The following PABPC4L variants were observed in gnomAD, a reference collection of about 807,000 sequenced individuals.
The protein encoded by PABPC4L is polyadenylate-binding protein 4-like.
For synonymous variants in PABPC4L, 169 were observed against 164.1 expected, an observed-to-expected ratio of 1.03 and a Z score of -0.23; for missense variants, 452 against 451.4, an observed-to-expected ratio of 1.00 and a Z score of -0.01.
the PABPC4L span, among the ~76,000 whole-genome samples, chr4:134,189,567 A>ATGTG: frequency 6.6e-6 from 1 of 151,402 alleles, no homozygotes; most frequent in Non-Finnish European, 1.5e-5. Context: ...CACATATATA[A>ATGTG]TGTGTGTGTG....
the PABPC4L span, among the ~76,000 whole-genome samples, chr4:133,982,498 G>A: frequency 1.3e-5 from 2 of 152,080 alleles, no homozygotes; most frequent in Middle Eastern, 3.4e-3. Context: ...CATTTATGGT[G>A]AATTCTTTTT....
chr4:134,184,773 T>A, the PABPC4L span, among the ~76,000 whole-genome samples: 571 of 152,150 alleles, frequency 3.8e-3, 2 homozygotes, highest in African/African-American at 0.013. Flanking sequence ...CAAAACTCTC[T>A]TACAAAATGG....
chr4:134,025,439 C>T, the PABPC4L span, among the ~76,000 whole-genome samples: 2 of 151,456 alleles, frequency 1.3e-5, no homozygotes, highest in African/African-American at 4.9e-5. Flanking sequence ...TAGAATATAC[C>T]TATTTTTGCT....
At chr4:134,025,852 A>G in the PABPC4L span, among the ~76,000 whole-genome samples, 55 of 152,138 alleles carry the variant, frequency 3.6e-4, no homozygotes, top group African/African-American at 1.3e-3. Context: ...TTAGTAATTT[A>G]TTTTTCATTC....
chr4:134,188,693 A>G, the PABPC4L span, among the ~76,000 whole-genome samples: 1 of 152,038 alleles, frequency 6.6e-6, no homozygotes, highest in Non-Finnish European at 1.5e-5. Flanking sequence ...TCATCTATAG[A>G]TAAGGTGTCT....
chr4:134,066,776 T>C, the PABPC4L span, among the ~76,000 whole-genome samples: 28,458 of 152,066 alleles, frequency 0.19, 3,307 homozygotes, highest in Admixed American at 0.25. Flanking sequence ...CTAAAAGCCT[T>C]TTTTGCATCT....
At chr4:134,045,851 C>T in the PABPC4L span, among the ~76,000 whole-genome samples, 18 of 152,198 alleles carry the variant, frequency 1.2e-4, no homozygotes, top group Admixed American at 3.3e-4. Context: ...ACATAATTTC[C>T]TTACTATGTT....
the PABPC4L span, among the ~76,000 whole-genome samples, chr4:134,129,361 T>G: frequency 2.0e-5 from 3 of 152,054 alleles, no homozygotes; most frequent in Non-Finnish European, 4.4e-5. Context: ...ACCCAACAGC[T>G]GCAGAATATA....
At chr4:134,171,923 AC>A in the PABPC4L span, among the ~76,000 whole-genome samples, 2 of 152,220 alleles carry the variant, frequency 1.3e-5, no homozygotes, top group Non-Finnish European at 2.9e-5. Flanking sequence ...CAATATAGCC[AC>A]AAAAACAATA....
the PABPC4L span, among the ~76,000 whole-genome samples, chr4:133,987,870 G>C: frequency 3.3e-5 from 5 of 152,120 alleles, no homozygotes; most frequent in Non-Finnish European, 7.3e-5. Context: ...ATTTACAGAA[G>C]AAAGAGGTTT....
the PABPC4L span, among the ~76,000 whole-genome samples, chr4:134,079,861 A>C: frequency 6.6e-6 from 1 of 151,994 alleles, no homozygotes; most frequent in African/African-American, 2.4e-5. Flanking sequence ...AATGCTTTCT[A>C]TTTGTGTTAG....
chr4:134,059,797 A>G, the PABPC4L span, among the ~76,000 whole-genome samples: 2 of 152,102 alleles, frequency 1.3e-5, no homozygotes, highest in African/African-American at 4.8e-5. Context: ...AAGATGGCCA[A>G]ATAGAAGCCT....
At chr4:134,156,946 C>CCT in the PABPC4L span, among the ~76,000 whole-genome samples, 1 of 151,752 alleles carries the variant, frequency 6.6e-6, no homozygotes, top group Non-Finnish European at 1.5e-5. Context: ...CCCTCAAATT[C>CCT]TTCTCCCTGT....
the PABPC4L span, among the ~76,000 whole-genome samples, chr4:133,964,929 A>T: frequency 1.3e-5 from 2 of 152,156 alleles, no homozygotes; most frequent in Non-Finnish European, 2.9e-5. Context: ...ACTCATTTTC[A>T]CCACTTCTAT....
At chr4:134,099,567 T>C in the PABPC4L span, among the ~76,000 whole-genome samples, 2 of 151,748 alleles carry the variant, frequency 1.3e-5, no homozygotes, top group Non-Finnish European at 3.0e-5. Flanking sequence ...ATGAATTCTG[T>C]AATGCTTATT....
the PABPC4L span, among the ~76,000 whole-genome samples, chr4:134,170,273 T>C: frequency 6.6e-6 from 1 of 152,146 alleles, no homozygotes; most frequent in Non-Finnish European, 1.5e-5. Flanking sequence ...CCATAATGTA[T>C]ACATACCACA....
At chr4:134,050,706 C>CAAAAAAAAAAAAAAAAA in the PABPC4L span, among the ~76,000 whole-genome samples, 15 of 82,980 alleles carry the variant, frequency 1.8e-4, 1 homozygote, top group African/African-American at 4.2e-4. Context: ...CACCGTCTCC[C>CAAAAAAAAAAAAAAAAA]AAAAAAAAAA....
the PABPC4L span, among the ~76,000 whole-genome samples, chr4:134,152,854 G>A: frequency 8.5e-5 from 13 of 152,158 alleles, no homozygotes; most frequent in Non-Finnish European, 1.5e-4. Context: ...CCTGGTGAGG[G>A]TCTCAGATTG....
At chr4:133,969,418 A>G in the PABPC4L span, among the ~76,000 whole-genome samples, 2 of 152,222 alleles carry the variant, frequency 1.3e-5, no homozygotes, top group African/African-American at 4.8e-5. Flanking sequence ...GTGTCGGCAC[A>G]TGGCTTGACA....
Sources: allele counts gnomAD v4.1 joint callset (sites outside exome capture counted in the v4.1 genomes callset), GRCh38; gene constraint gnomAD v4.1.1; transcripts MANE v1.5; gene names NCBI Gene and HGNC (gene_info 2026-07-23, HGNC 2026-07-21).